ENAH: variants seen among roughly 807,000 people sequenced by gnomAD.
ENAH encodes ENAH actin regulator.
In ENAH, 23 loss-of-function variants were observed where a neutral mutation model predicts 78.7. The observed-to-expected ratio is 0.29, with a 90% confidence interval of 0.21 to 0.41. The LOEUF is 0.41. Ranked by LOEUF, ENAH falls within the 10% of genes least tolerant of loss-of-function variation. The probability of loss-of-function intolerance (pLI) is 1.00; values close to 1 mark genes in which losing one functional copy is unlikely to be tolerated. For missense variants in ENAH, 544 were observed against 691.0 expected, an observed-to-expected ratio of 0.79 and a Z score of 2.39; for synonymous variants, 226 against 241.0, an observed-to-expected ratio of 0.94 and a Z score of 0.58.
chr1:225,563,899 G>T (rs1575545042), intron 2 of ENAH, among the ~76,000 whole-genome samples: 1 of 152,266 alleles, frequency 6.6e-6, no homozygotes, highest in Middle Eastern at 3.4e-3. Context: ...TTGGGGGGCA[G>T]ATTATTTACT....
chr1:225,510,965 G>C (rs959444007), intron 10 of ENAH, among the ~76,000 whole-genome samples: 7 of 151,890 alleles, frequency 4.6e-5, no homozygotes, highest in Non-Finnish European at 7.4e-5. Context: ...GGGTTGCGGT[G>C]AGCCAAGACT....
At chr1:225,614,574 A>T (rs1318870384) in intron 1 of ENAH, among the ~76,000 whole-genome samples, 2 of 152,068 alleles carry the variant, frequency 1.3e-5, no homozygotes, top group Non-Finnish European at 2.9e-5. Flanking sequence ...GACATGACTG[A>T]TTAAATCACT....
chr1:225,581,928 G>C (rs1050051215), intron 1 of ENAH, among the ~76,000 whole-genome samples: 1 of 151,036 alleles, frequency 6.6e-6, no homozygotes, highest in Non-Finnish European at 1.5e-5. Flanking sequence ...TCTAACTCCT[G>C]AGCTCAAGCA....
At chr1:225,585,033 G>A (rs906477262) in intron 1 of ENAH, among the ~76,000 whole-genome samples, 17 of 151,872 alleles carry the variant, frequency 1.1e-4, no homozygotes, top group African/African-American at 4.1e-4. Context: ...TGGCCAACAT[G>A]GTGAAACCAT....
At chr1:225,533,559 G>GTA (rs2096548092) in intron 3 of ENAH, among the ~76,000 whole-genome samples, 1 of 152,116 alleles carries the variant, frequency 6.6e-6, no homozygotes, top group Admixed American at 6.6e-5. Context: ...AATAGCAGCT[G>GTA]TTTGAGAGTT....
At chr1:225,568,908 G>A (rs1052651587) in intron 1 of ENAH, among the ~76,000 whole-genome samples, 1 of 152,192 alleles carries the variant, frequency 6.6e-6, no homozygotes, top group East Asian at 1.9e-4. Context: ...AAACTAACTT[G>A]TAACAATATT....
At chr1:225,652,453 T>G (rs973606724) in intron 1 of ENAH, 1 of 976,740 alleles carries the variant, frequency 1.0e-6, no homozygotes, top group South Asian at 4.7e-5. Flanking sequence ...AGAAGAGCAT[T>G]TGAGGAAAAA....
intron 3 of ENAH, among the ~76,000 whole-genome samples, chr1:225,537,179 A>G (rs2096565988): frequency 1.3e-5 from 2 of 152,158 alleles, no homozygotes; most frequent in African/African-American, 4.8e-5. Context: ...GAAAAACCTG[A>G]GAAATTATCT....
At chr1:225,508,091 A>G (rs1328644642) in intron 10 of ENAH, 74 bp from the exon 11 acceptor site, 3 of 948,312 alleles carry the variant, frequency 3.2e-6, no homozygotes, top group Non-Finnish European at 4.6e-6. Flanking sequence ...ATAACAAAAT[A>G]CTAAATCTCA....
chr1:225,544,484 T>C (rs901194866), intron 3 of ENAH, among the ~76,000 whole-genome samples: 4 of 152,084 alleles, frequency 2.6e-5, no homozygotes, highest in African/African-American at 9.7e-5. Flanking sequence ...GAAAAGGGAA[T>C]GAAAGGCAGA....
At chr1:225,628,857 G>A (rs551181540) in intron 1 of ENAH, among the ~76,000 whole-genome samples, 30 of 148,082 alleles carry the variant, frequency 2.0e-4, no homozygotes, top group African/African-American at 7.1e-4. Context: ...GGTGAGTGGA[G>A]ATCGCGTCAT....
chr1:225,597,670 A>T (rs2096908738), intron 1 of ENAH, among the ~76,000 whole-genome samples: 1 of 151,706 alleles, frequency 6.6e-6, no homozygotes, highest in South Asian at 2.1e-4. Flanking sequence ...AAAAAAAAAA[A>T]AAAAAAGACG....
intron 11 of ENAH, among the ~76,000 whole-genome samples, chr1:225,506,143 A>G (rs2096326972): frequency 6.6e-6 from 1 of 152,220 alleles, no homozygotes; most frequent in Non-Finnish European, 1.5e-5. Flanking sequence ...TTCTGCCATC[A>G]ACGTAGGCTT....
chr1:225,520,923 AG>A (rs2096462332), intron 4 of ENAH, among the ~76,000 whole-genome samples: 3 of 274 alleles, frequency 0.011, no homozygotes, highest in Admixed American at 0.029. Flanking sequence ...GAAGGGAGGA[AG>A]GGAGGGAGGG....
At chr1:225,641,389 C>A (rs1661032872) in intron 1 of ENAH, among the ~76,000 whole-genome samples, 1 of 145,400 alleles carries the variant, frequency 6.9e-6, no homozygotes. Context: ...AATCCCAGCA[C>A]TTTGGGAGGT....
rs533883472 is a variant in ENAH at position 225,510,150 on chromosome 1, A to C, written c.1471+1661T>G. The stretch of plus-strand genomic sequence containing the variant: ...GACACAATGTCAGTTTAAAAACGGA[A>C]TGAAACAAGTGAGAAAACAGGCCCT... On this transcript the variant is annotated intron_variant, in intron 10 of 13. Coordinates refer to ENST00000366843, the MANE Select transcript of ENAH (RefSeq NM_018212.6). Among the ~76,000 whole-genome samples, 9 of 152,336 alleles carry C rather than the reference A, an allele frequency of 5.9e-5. No individual in the cohort carries two copies. The South Asian group carries it at 1.9e-3, about 32-fold the overall frequency.
At chr1:225,519,866 C>A (rs2096453981) in intron 4 of ENAH, among the ~76,000 whole-genome samples, 1 of 152,184 alleles carries the variant, frequency 6.6e-6, no homozygotes, top group South Asian at 2.1e-4. Flanking sequence ...TAACATACCA[C>A]TTTAATAACC....
At chr1:225,592,071 A>G (rs917913513) in intron 1 of ENAH, among the ~76,000 whole-genome samples, 1 of 152,216 alleles carries the variant, frequency 6.6e-6, no homozygotes, top group Non-Finnish European at 1.5e-5. Context: ...TACATGAAGC[A>G]TTCAAGTATC....
intron 3 of ENAH, among the ~76,000 whole-genome samples, chr1:225,536,091 A>G (rs1342639095): frequency 2.0e-5 from 3 of 152,174 alleles, no homozygotes; most frequent in Non-Finnish European, 4.4e-5. Context: ...CACTGATACA[A>G]AATAAGAATA....
Sources: gnomAD v4.1 joint callset for allele counts (sites outside exome capture counted in the v4.1 genomes callset) on GRCh38, gnomAD v4.1.1 for gene constraint, MANE v1.5 for transcripts, NCBI Gene and HGNC (gene_info 2026-07-23, HGNC 2026-07-21) for gene names.